The following COPA variants were observed in gnomAD, a reference collection of about 807,000 sequenced individuals.
The protein encoded by COPA is coatomer subunit alpha.
A neutral mutation model predicts 158.7 loss-of-function variants in COPA; 10 were observed. The ratio of observed to expected loss-of-function variants is 0.06; its 90% CI spans 0.04 to 0.11. COPA has a LOEUF of 0.11. Among genes scored for constraint, COPA ranks in the 10% least tolerant of loss-of-function variants. The probability of loss-of-function intolerance (pLI) is 1.00; values close to 1 mark genes in which losing one functional copy is unlikely to be tolerated. For missense variants in COPA, 1,065 were observed against 1,536.7 expected, an observed-to-expected ratio of 0.69 and a Z score of 5.13; for synonymous variants, 462 against 542.8, an observed-to-expected ratio of 0.85 and a Z score of 2.07.
intron 1 of COPA, 37 bp from the exon 2 acceptor site, chr1:160,340,331 A>T: frequency 7.4e-7 from 1 of 1,342,568 alleles, no homozygotes; most frequent in Non-Finnish European, 1.1e-6. Flanking sequence ...GAGCTAACTA[A>T]GCCCCATGAT....
At chr1:160,335,209 T>TG in intron 4 of COPA, 33 bp downstream of exon 4, 1 of 1,565,122 alleles carries the variant, frequency 6.4e-7, no homozygotes, top group Non-Finnish European at 8.7e-7. Flanking sequence ...AAACTAAGAA[T>TG]GCTCCAAAAC....
intron 17 of COPA, among the ~76,000 whole-genome samples, chr1:160,303,675 G>A (rs1463443028): frequency 1.3e-5 from 2 of 152,036 alleles, no homozygotes; most frequent in African/African-American, 2.4e-5. Flanking sequence ...AAAAGATAAA[G>A]ATTCATAAAC....
intron 6 of COPA, among the ~76,000 whole-genome samples, chr1:160,331,545 T>C (rs2101870345): frequency 6.6e-6 from 1 of 150,524 alleles, no homozygotes; most frequent in African/African-American, 2.5e-5. Flanking sequence ...CTCAGTTACT[T>C]ATGAGGCACA....
intron 7 of COPA, 29 bp from the exon 8 acceptor site, chr1:160,323,559 A>G (rs779335245): frequency 6.4e-7 from 1 of 1,550,826 alleles, no homozygotes; most frequent in Non-Finnish European, 8.8e-7. Context: ...CTTCTAAAAC[A>G]TCTTTATAGT....
intron 8 of COPA, among the ~76,000 whole-genome samples, chr1:160,319,360 C>A (rs1004912546): frequency 6.6e-6 from 1 of 151,490 alleles, no homozygotes; most frequent in African/African-American, 2.4e-5. Flanking sequence ...TCTGTGCACC[C>A]AACACCAAAG....
chr1:160,332,234 C>G (rs1378464204), intron 6 of COPA, among the ~76,000 whole-genome samples: 1 of 152,140 alleles, frequency 6.6e-6, no homozygotes, highest in East Asian at 1.9e-4. Context: ...TTCTTCAAAT[C>G]AAATGAATTT....
chr1:160,338,781 C>G (rs1053326095), intron 3 of COPA, among the ~76,000 whole-genome samples: 7 of 152,112 alleles, frequency 4.6e-5, no homozygotes, highest in African/African-American at 1.7e-4. Flanking sequence ...ATCTCGAACC[C>G]CTCGAATCAC....
At position 160,297,854 on chromosome 1, in the gene COPA, A is replaced by G. The variant is rs569947776; in HGVS notation, c.1978-109T>C. 1.2e-5 allele frequency: 14 copies of G among 1,128,168 alleles called. No individual in the cohort carries two copies. In the East Asian group the frequency reaches 3.1e-4, roughly 25 times the overall value. The allele number at this position is 1,128,168 out of a possible 1,614,324, so 69.9% of individuals were successfully genotyped here. A position where few individuals can be genotyped will look rare whatever the true frequency, so the allele number is the denominator to read the frequency against. ...ATAGATTTCCTGAAGAACTTCCTAT[A>G]CTTTCAATTACTCCTAGCTTTTAGT... On this transcript the variant is annotated intron_variant, in intron 19 of 32. Coordinates refer to ENST00000241704, the MANE Select transcript of COPA (RefSeq NM_004371.4).
intron 3 of COPA, among the ~76,000 whole-genome samples, chr1:160,336,016 A>T (rs1188952633): frequency 6.6e-6 from 1 of 151,112 alleles, no homozygotes; most frequent in Non-Finnish European, 1.5e-5. Context: ...CTTGGCTTGA[A>T]TATAGACCCC....
intron 1 of COPA, 22 bp downstream of exon 1, chr1:160,343,109 T>G (rs1376601506): frequency 6.2e-7 from 1 of 1,613,900 alleles, no homozygotes; most frequent in East Asian, 2.2e-5. Flanking sequence ...ACCTCCATGT[T>G]CCCCCTTTTA....
intron 31 of COPA, 110 bp from the exon 32 acceptor site, chr1:160,290,796 C>T (rs1658205024): frequency 2.0e-5 from 20 of 1,019,092 alleles, no homozygotes; most frequent in Non-Finnish European, 2.4e-5. Flanking sequence ...AACTGTACTG[C>T]GTGAAAAGAG....
At chr1:160,307,113 C>G in intron 14 of COPA, 50 bp downstream of exon 14, 1 of 1,557,234 alleles carries the variant, frequency 6.4e-7, no homozygotes, top group East Asian at 2.2e-5. Flanking sequence ...ATACACAGGC[C>G]ACTGCCACCA....
rs148955100 is a variant in COPA, at chr1:160,310,288, CAG to C, written c.1077-32_1077-31del. The C allele has an allele frequency of 1.8e-3, 2,607 of 1,427,210 alleles. 43 individuals carry two copies. The East Asian group carries it at 0.039, about 21-fold the overall frequency. 88.4% of individuals were successfully genotyped at this position (1,427,210 alleles called of 1,614,324 possible). ...AGATATATATAGAAAAAGGAGAAAA[CAG>C]GGAAGAGGCATAAGAATAGAAGGAA... On this transcript the variant is annotated intron_variant, in intron 11 of 32. Transcript: ENST00000241704.
intron 31 of COPA, 133 bp downstream of exon 31, chr1:160,291,201 AG>A (rs1658219110): frequency 1.0e-6 from 1 of 977,860 alleles, no homozygotes; most frequent in African/African-American, 1.6e-5. Flanking sequence ...AAGTAAACAG[AG>A]GGTAGCATTC....
chr1:160,314,147 G>T, intron 8 of COPA, 22 bp from the exon 9 acceptor site: 2 of 1,605,092 alleles, frequency 1.2e-6, no homozygotes, highest in Non-Finnish European at 1.7e-6. Context: ...AAAGAATTAG[G>T]TCATCACAAT....
At position 160,297,421 on chromosome 1, in the gene COPA, T is replaced by C; in HGVS notation, c.2185A>G (p.Met729Val). ...AGGGCATTCTGATAGTGGCCACTCA[T>C]GTCCTTTCTGATCTCAGCTGCACCA... ...MMKIAEIRKD[M>V]SGHYQNALYL... The change falls in exon 21 of 33, where the codon ATG (methionine) becomes GTG (valine). Residue 729 changes from methionine to valine, a missense_variant. Met to Val is a conservative substitution (Grantham distance 21). Coordinates refer to ENST00000241704, the MANE Select transcript of COPA (RefSeq NM_004371.4). The C allele has an allele frequency of 1.2e-6, 2 of 1,614,186 alleles. No individual in the cohort carries two copies. The highest frequency in any genetic ancestry group is 1.7e-6 in the Non-Finnish European group (2 of 1,180,024).
At chr1:160,300,893 C>T (rs1356670563) in intron 17 of COPA, among the ~76,000 whole-genome samples, 4 of 152,044 alleles carry the variant, frequency 2.6e-5, no homozygotes, top group Admixed American at 6.6e-5. Context: ...CTGAGGCAGG[C>T]GGATCACCTG....
chr1:160,302,466 C>T (rs761162170), intron 17 of COPA, among the ~76,000 whole-genome samples: 90 of 151,162 alleles, frequency 6.0e-4, no homozygotes, highest in Non-Finnish European at 8.8e-4. Flanking sequence ...GTAAAGATGA[C>T]AGTTATCCCC....
Position 160,294,486 on chromosome 1 carries a change from G to C in COPA, c.2674C>G (p.Leu892Val). The C allele has an allele frequency of 6.2e-7, 1 of 1,613,644 alleles. No homozygotes were observed. The highest frequency in any genetic ancestry group is 8.5e-7 in the Non-Finnish European group (1 of 1,179,588). The change falls in exon 25 of 33, where the codon CTG (leucine) becomes GTG (valine). Residue 892 changes from leucine (L) to valine (V), a missense_variant and splice_region_variant. Around this residue, in one of 2 missense-constraint regions of COPA, gnomAD observed 980 missense variants for 1,357.8 expected, o/e 0.72. Coordinates refer to ENST00000241704, the MANE Select transcript of COPA (RefSeq NM_004371.4). Reference sequence around the variant, plus strand: ...CTAAGGGTACAAATTCCACATACCAGCTCAGGAGGGAGCTCCAGATCTTCT... The same window carrying C: ...CTAAGGGTACAAATTCCACATACCACCTCAGGAGGGAGCTCCAGATCTTCT... ...VEEDLELPPE[L>V]DISPGAAGGA... is the part of the protein sequence containing the mutation.
Sources: allele counts gnomAD v4.1 joint callset (sites outside exome capture counted in the v4.1 genomes callset), GRCh38; gene constraint gnomAD v4.1.1; regional missense constraint gnomAD v4.1.1; transcripts MANE v1.5; gene names NCBI Gene and HGNC (gene_info 2026-07-23, HGNC 2026-07-21).